Variants in RAD17 observed in about 807,000 individuals in gnomAD.
RAD17 encodes cell cycle checkpoint protein RAD17.
In RAD17, 31 loss-of-function variants were observed where a neutral mutation model predicts 81.5. The ratio of observed to expected loss-of-function variants is 0.38; its 90% CI spans 0.29 to 0.51. RAD17 has a LOEUF of 0.51. Ranked by LOEUF, RAD17 falls within the 20% of genes least tolerant of loss-of-function variation. RAD17 has a pLI of 0.88. For synonymous variants in RAD17, 261 were observed against 266.2 expected (o/e 0.98, Z 0.19); for missense variants, 681 against 781.2 (o/e 0.87, Z 1.53).
In RAD17 at chr5:69,386,273, A is replaced by G. The variant is rs1764207236; in HGVS notation, c.792A>G (p.Glu264=). The part of the protein sequence containing the change: ...DNNQRLLFPK[E]IQEECSISNI... ...ATCAAAGGTTATTGTTTCCCAAAGAAATTCAGGAAGAGTGTTCTATCTCAA... is the reference window on the plus strand; with the variant it reads ...ATCAAAGGTTATTGTTTCCCAAAGAGATTCAGGAAGAGTGTTCTATCTCAA... The change falls in exon 10 of 19, where the codon GAA becomes GAG. Residue 264 remains glutamate, a synonymous_variant. Transcript: ENST00000354868. 6.2e-7 allele frequency: 1 copy of G among 1,606,218 alleles called. No individual in the cohort carries two copies. Among genetic ancestry groups the G allele is most frequent in the South Asian group, 1.1e-5 (1 of 89,292 alleles).
At chr5:69,380,299 G>A (rs1419435570) in intron 6 of RAD17, among the ~76,000 whole-genome samples, 1 of 152,148 alleles carries the variant, frequency 6.6e-6, no homozygotes, top group Non-Finnish European at 1.5e-5. Flanking sequence ...CACATAATGA[G>A]ATATACGTGT....
Position 69,386,412 on chromosome 5 carries a change from C to A in RAD17, c.841C>A (p.Pro281Thr). ...AAAACTTAGTTTCAACCCTGTGGCA[C>A]CAACAATTATGATGAAATTTCTTAA... ...ISNISFNPVAPTIMMKFLNRI... is the reference protein window; with the variant it reads ...ISNISFNPVATTIMMKFLNRI... The change falls in exon 11 of 19, where the codon CCA becomes ACA. Residue 281 changes from proline to threonine, a missense_variant. By Grantham distance (38) the Pro-to-Thr change is conservative. Coordinates refer to ENST00000354868, the MANE Select transcript of RAD17 (RefSeq NM_133338.3). 3 of 1,596,960 alleles carry A rather than the reference C, an allele frequency of 1.9e-6. No individual in the cohort carries two copies. Among genetic ancestry groups the A allele is most frequent in the Non-Finnish European group, 2.6e-6 (3 of 1,173,686 alleles).
At chr5:69,398,272 A>C (rs1765027347) in intron 16 of RAD17, among the ~76,000 whole-genome samples, 1 of 152,218 alleles carries the variant, frequency 6.6e-6, no homozygotes, top group African/African-American at 2.4e-5. Flanking sequence ...TATACCTATA[A>C]ATACATACAG....
intron 12 of RAD17, among the ~76,000 whole-genome samples, chr5:69,390,177 T>C (rs1764462592): frequency 6.6e-6 from 1 of 152,236 alleles, no homozygotes; most frequent in South Asian, 2.1e-4. Context: ...ACGTTGATAA[T>C]TGACATCAAA....
chr5:69,384,957 T>A, intron 8 of RAD17, 24 bp downstream of exon 8: 1 of 1,337,304 alleles, frequency 7.5e-7, no homozygotes, highest in Non-Finnish European at 1.0e-6. Context: ...TTAAAATCTT[T>A]TTTTTTTTTT....
rs757152675 is a variant in RAD17 at position 69,410,494 on chromosome 5, T to C, written c.1695T>C (p.Ala565=). The change falls in exon 18 of 19, where the codon GCT becomes GCC. Residue 565 remains alanine, a splice_region_variant and synonymous_variant. Coordinates refer to ENST00000354868, the MANE Select transcript of RAD17 (RefSeq NM_133338.3). ...CAACTTTTAAAAAATCTGTTTCAGC[T>C]CAGATTTCTTTTATCCAAGATATTG... ...ALLTIPMRNQ[A]QISFIQDIGR... The C allele has an allele frequency of 1.9e-5, 30 of 1,611,610 alleles. No homozygotes were observed. The highest frequency in any genetic ancestry group is 1.7e-4 in the Middle Eastern group (1 of 6,046).
chr5:69,414,483 A>C lies in RAD17; in HGVS notation c.*191A>C, dbSNP rs1766256037. On this transcript the variant is annotated 3_prime_UTR_variant, in exon 19 of 19. Transcript: ENST00000354868. ...AGTAAATAGAAGATCAAGCCTTCAA[A>C]TCTCTTAATTTTTTCGGTATTTATT... 1 of 709,382 alleles carries C rather than the reference A, an allele frequency of 1.4e-6. No homozygotes were observed. The highest frequency in any genetic ancestry group is 2.3e-6 in the Non-Finnish European group (1 of 441,912). The allele number at this position is 709,382 out of a possible 1,614,324, so 43.9% of individuals were successfully genotyped here. A position where few individuals can be genotyped will look rare whatever the true frequency, so the allele number is the denominator to read the frequency against.
chr5:69,371,660 G>A (rs566305868), intron 3 of RAD17, 103 bp downstream of exon 3: 16 of 552,028 alleles, frequency 2.9e-5, no homozygotes, highest in African/African-American at 2.4e-4. Flanking sequence ...TAATAGAGCC[G>A]AGTATCTATT....
chr5:69,382,112 A>G, intron 7 of RAD17, 55 bp downstream of exon 7: 2 of 1,541,250 alleles, frequency 1.3e-6, no homozygotes, highest in Non-Finnish European at 8.9e-7. Flanking sequence ...TGCTTAAGGG[A>G]GCTTTCAGAT....
At chr5:69,385,447 A>G (rs977600220) in intron 8 of RAD17, among the ~76,000 whole-genome samples, 1 of 150,790 alleles carries the variant, frequency 6.6e-6, no homozygotes, top group South Asian at 2.1e-4. Flanking sequence ...ATTTTTGTAT[A>G]TTTAGTAGAG....
At chr5:69,393,083 C>A in intron 13 of RAD17, 72 bp from the exon 14 acceptor site, 1 of 999,234 alleles carries the variant, frequency 1.0e-6, no homozygotes, top group Non-Finnish European at 1.5e-6. Flanking sequence ...AATTTTCAAA[C>A]TCTTCAAATG....
intron 7 of RAD17, 81 bp from the exon 8 acceptor site, chr5:69,384,716 A>ATG (rs937175478): frequency 1.2e-5 from 15 of 1,258,268 alleles, no homozygotes; most frequent in Non-Finnish European, 1.7e-5. Context: ...TGCATCAAGT[A>ATG]TGTGTGTGTG....
At position 69,387,544 on chromosome 5, in the gene RAD17, T is replaced by A. The variant is rs187202718; in HGVS notation, c.894+1079T>A. 6.6e-5 allele frequency among the ~76,000 whole-genome samples: 10 copies of A among 152,270 alleles called. No homozygotes were observed. In the East Asian group the frequency reaches 1.7e-3, roughly 26 times the overall value. Reference sequence around the variant, plus strand: ...AGGAAGCAATTACTGTGATGAATTATTATGCTATTAGTGTTTTGAAAATAT... The same window carrying A: ...AGGAAGCAATTACTGTGATGAATTAATATGCTATTAGTGTTTTGAAAATAT... On this transcript the variant is annotated intron_variant, in intron 11 of 18. Transcript: ENST00000354868.
intron 12 of RAD17, among the ~76,000 whole-genome samples, chr5:69,391,525 T>C (rs1277355139): frequency 6.6e-6 from 1 of 152,156 alleles, no homozygotes; most frequent in East Asian, 1.9e-4. Context: ...GCAAGTTTCA[T>C]ATTTTGGAGT....
chr5:69,374,684 T>G lies in RAD17; in HGVS notation c.324T>G (p.Ala108=). 1 of 1,612,146 alleles carries G rather than the reference T, an allele frequency of 6.2e-7. No individual in the cohort carries two copies. Among genetic ancestry groups the G allele is most frequent in the Non-Finnish European group, 8.5e-7 (1 of 1,179,316 alleles). ...AAGAAGTCGAAACCTGGTTAAAAGCTCAAGTTTTAGAAAGGCAACCAAAAC... is the reference window on the plus strand; with the variant it reads ...AAGAAGTCGAAACCTGGTTAAAAGCGCAAGTTTTAGAAAGGCAACCAAAAC... ...KIEEVETWLK[A]QVLERQPKQG... is the part of the protein sequence containing the mutation. Residue 108 remains alanine (A), a synonymous_variant, in exon 6 of 19, where the codon GCT becomes GCG. Coordinates refer to ENST00000354868, the MANE Select transcript of RAD17 (RefSeq NM_133338.3).
Position 69,397,710 on chromosome 5 carries a change from G to GT in RAD17, c.1572+1172dup, listed in dbSNP as rs530574400. On this transcript the variant is annotated intron_variant, in intron 16 of 18. Coordinates refer to ENST00000354868, the MANE Select transcript of RAD17 (RefSeq NM_133338.3). ...AATTTCAGTTAGGCAGGAGGAATAA[G>GT]TTTTTTTTGTTTTTGGTTTTTGAGA... is the stretch of plus-strand genomic sequence containing the variant. Among the ~76,000 whole-genome samples, 27 of 152,228 alleles carry GT rather than the reference G, an allele frequency of 1.8e-4. No homozygotes were observed. The East Asian group carries it at 4.8e-3, about 27-fold the overall frequency.
At position 69,385,091 on chromosome 5, in the gene RAD17, C is replaced by T. The variant is rs1213002701; in HGVS notation, c.645+158C>T. ...TCTCCTGCCTCAGCCTCCGGAGTAG[C>T]TGGGACTACAGGCGCCCGCCACCAC... On this transcript the variant is annotated intron_variant, in intron 8 of 18. Coordinates refer to ENST00000354868, the MANE Select transcript of RAD17 (RefSeq NM_133338.3). 2.7e-5 allele frequency among the ~76,000 whole-genome samples: 4 copies of T among 150,892 alleles called. No homozygotes were observed. In the Admixed American group the frequency reaches 2.7e-4, roughly 10 times the overall value.
chr5:69,380,634 G>A (rs1448899984), intron 6 of RAD17, among the ~76,000 whole-genome samples: 1 of 151,780 alleles, frequency 6.6e-6, no homozygotes, highest in Non-Finnish European at 1.5e-5. Context: ...TTGTATGTAG[G>A]AAATCTTTTG....
Position 69,414,095 on chromosome 5 carries a change from G to A in RAD17, c.1816G>A (p.Ala606Thr), listed in dbSNP as rs771205667. 1.9e-6 allele frequency: 3 copies of A among 1,614,242 alleles called. No homozygotes were observed. The highest frequency in any genetic ancestry group is 2.5e-6 in the Non-Finnish European group (3 of 1,180,042). ...GMIDPDSGDE[A>T]QLNGGHSAEE... ...GATAGACCCTGACAGCGGAGATGAA[G>A]CCCAGCTTAATGGAGGACATTCTGC... The change falls in exon 19 of 19, where the codon GCC becomes ACC. Residue 606 changes from alanine to threonine, a missense_variant. Physicochemically the swap from Ala to Thr is moderately conservative, Grantham distance 58. Coordinates refer to ENST00000354868, the MANE Select transcript of RAD17 (RefSeq NM_133338.3).
Sources: gnomAD v4.1 joint callset for allele counts (sites outside exome capture counted in the v4.1 genomes callset) on GRCh38, gnomAD v4.1.1 for gene constraint, MANE v1.5 for transcripts, NCBI Gene and HGNC (gene_info 2026-07-23, HGNC 2026-07-21) for gene names.